The following STPG2 variants were observed in gnomAD, a reference collection of about 807,000 sequenced individuals.
STPG2 encodes the protein sperm tail PG-rich repeat containing 2.
STPG2 carries 56 observed loss-of-function variants against 54.2 expected under a neutral mutation model. The observed-to-expected ratio is 1.03, with a 90% CI of 0.83 to 1.29. The LOEUF (loss-of-function observed/expected upper bound fraction) is 1.29. STPG2 is among the 50% of genes most tolerant of loss of function. STPG2 has a pLI of 0.00. For synonymous variants in STPG2, 200 were observed against 181.8 expected (o/e 1.10, Z -0.81); for missense variants, 596 against 544.9 (o/e 1.09, Z -0.93).
chr4:97,635,450 A>G (rs1384960800), intron 10 of STPG2, among the ~76,000 whole-genome samples: 3 of 152,170 alleles, frequency 2.0e-5, no homozygotes, highest in Admixed American at 1.3e-4. Flanking sequence ...CAAAATAACC[A>G]GCTAACATCA....
Position 97,650,041 on chromosome 4 carries a change from A to G in STPG2, c.1320+62658T>C, listed in dbSNP as rs140713953. 1.1e-4 allele frequency among the ~76,000 whole-genome samples: 17 copies of G among 152,230 alleles called. No individual in the cohort carries two copies. The East Asian group carries it at 2.7e-3, about 24-fold the overall frequency. On this transcript the variant is annotated intron_variant, in intron 10 of 10. Coordinates refer to ENST00000295268, the MANE Select transcript of STPG2 (RefSeq NM_174952.3). Reference sequence around the variant, plus strand: ...CATTAGGCATTAGATTCTCATAAGGAGCACGCAACCCAGATCCCTCACATG... The same window carrying G: ...CATTAGGCATTAGATTCTCATAAGGGGCACGCAACCCAGATCCCTCACATG...
intron 10 of STPG2, among the ~76,000 whole-genome samples, chr4:97,681,510 T>G (rs1315770980): frequency 6.6e-6 from 1 of 151,872 alleles, no homozygotes; most frequent in Admixed American, 6.6e-5. Flanking sequence ...ATTCGTTAAT[T>G]GGCACTCTAC....
At chr4:97,993,136 G>A (rs1383160903) in intron 5 of STPG2, among the ~76,000 whole-genome samples, 2 of 152,186 alleles carry the variant, frequency 1.3e-5, no homozygotes, top group Non-Finnish European at 2.9e-5. Flanking sequence ...TAGAAGTGAT[G>A]AAAGTGGGCA....
intron 10 of STPG2, among the ~76,000 whole-genome samples, chr4:97,643,830 G>A (rs1228669151): frequency 6.6e-6 from 1 of 151,480 alleles, no homozygotes; most frequent in Admixed American, 6.6e-5. Context: ...AGAGAATTTT[G>A]GTAAAATTCA....
intron 10 of STPG2, among the ~76,000 whole-genome samples, chr4:97,649,019 C>T (rs1721990919): frequency 6.6e-6 from 1 of 152,044 alleles, no homozygotes; most frequent in Non-Finnish European, 1.5e-5. Flanking sequence ...GAACATGGTA[C>T]TTGACTTCTT....
intron 4 of STPG2, among the ~76,000 whole-genome samples, chr4:97,511,374 C>A (rs1436190146): frequency 6.6e-6 from 1 of 151,716 alleles, no homozygotes; most frequent in East Asian, 1.9e-4. Context: ...CAAGATAATT[C>A]ATAAGGATAC....
chr4:97,505,364 G>T (rs1039749561), intron 4 of STPG2, among the ~76,000 whole-genome samples: 1 of 151,860 alleles, frequency 6.6e-6, no homozygotes, highest in East Asian at 1.9e-4. Context: ...AAGAAACTTA[G>T]TTTATCTAAC....
intron 5 of STPG2, among the ~76,000 whole-genome samples, chr4:98,020,598 A>G (rs1736147116): frequency 1.3e-5 from 2 of 152,206 alleles, no homozygotes; most frequent in Admixed American, 6.5e-5. Context: ...GAATGGTACC[A>G]GCTCCTCCTT....
rs116357413 is a variant in STPG2 at position 97,810,708 on chromosome 4, C to T, written c.1204+30065G>A. On this transcript the variant is annotated intron_variant, in intron 9 of 10. Coordinates refer to ENST00000295268, the MANE Select transcript of STPG2 (RefSeq NM_174952.3). ...AAATAAAGTGTAATAGGAAAGCAAA[C>T]ATGCATCTCATAATGACAATATACT... 8.3e-3 allele frequency among the ~76,000 whole-genome samples: 1,260 copies of T among 152,176 alleles called. 15 individuals are homozygous for T. The highest frequency in any genetic ancestry group is 0.027 in the African/African-American group (1,133 of 41,512).
intron 9 of STPG2, among the ~76,000 whole-genome samples, chr4:97,775,620 G>A (rs912026299): frequency 1.3e-5 from 2 of 152,046 alleles, no homozygotes; most frequent in Admixed American, 1.3e-4. Flanking sequence ...TTGTTAGTTG[G>A]AGGACCAGCC....
At chr4:97,589,324 C>A (rs1257619591) in intron 10 of STPG2, among the ~76,000 whole-genome samples, 2 of 151,482 alleles carry the variant, frequency 1.3e-5, no homozygotes, top group Non-Finnish European at 2.9e-5. Flanking sequence ...TATGGGAAAG[C>A]CATTATATAG....
chr4:97,508,612 T>A (rs1730903845), intron 4 of STPG2, among the ~76,000 whole-genome samples: 1 of 151,896 alleles, frequency 6.6e-6, no homozygotes, highest in East Asian at 1.9e-4. Flanking sequence ...TCAGTATTAC[T>A]GTGTTATTCA....
At chr4:98,097,880 G>A (rs4699597) in intron 5 of STPG2, among the ~76,000 whole-genome samples, 60,158 of 151,812 alleles carry the variant, frequency 0.4, 12,151 homozygotes, top group Middle Eastern at 0.47. Flanking sequence ...AATAGCCACA[G>A]ATAAAATTGA....
In STPG2 at chr4:98,105,950, T is replaced by C; in HGVS notation, c.612+3A>G. 2 of 1,558,932 alleles carry C rather than the reference T, an allele frequency of 1.3e-6. No individual in the cohort carries two copies. Among genetic ancestry groups the C allele is most frequent in the Non-Finnish European group, 1.8e-6 (2 of 1,140,338 alleles). ...TATATGCATTAGCCACTTTTCAACT[T>C]ACCTTTTTTTTCTCCTGCAATACTA... On this transcript the variant is annotated splice_donor_region_variant and intron_variant, in intron 5 of 10. Coordinates refer to ENST00000295268, the MANE Select transcript of STPG2 (RefSeq NM_174952.3).
intron 5 of STPG2, among the ~76,000 whole-genome samples, chr4:98,091,963 A>T (rs1417464295): frequency 6.6e-6 from 1 of 152,022 alleles, no homozygotes; most frequent in African/African-American, 2.4e-5. Context: ...ACTAAACCAT[A>T]AATAAATACA....
At chr4:97,517,592 T>C (rs78617229) in intron 4 of STPG2, among the ~76,000 whole-genome samples, 2,629 of 133,636 alleles carry the variant, frequency 0.02, 68 homozygotes, top group African/African-American at 0.064. Flanking sequence ...CTTTGTATGT[T>C]CTTAGTGTCA....
chr4:98,130,300 C>G (rs1448414193), intron 2 of STPG2, among the ~76,000 whole-genome samples: 1 of 152,040 alleles, frequency 6.6e-6, no homozygotes, highest in African/African-American at 2.4e-5. Flanking sequence ...CTCAGCCTCC[C>G]AAGTAGCTGG....
chr4:97,596,829 T>G (rs1476791553), intron 10 of STPG2, among the ~76,000 whole-genome samples: 1 of 151,298 alleles, frequency 6.6e-6, no homozygotes, highest in African/African-American at 2.4e-5. Flanking sequence ...AATCTAAAAT[T>G]AACAACCTAA....
intron 4 of STPG2, among the ~76,000 whole-genome samples, chr4:97,540,940 C>T (rs532638529): frequency 2.6e-5 from 4 of 152,058 alleles, no homozygotes; most frequent in Non-Finnish European, 2.9e-5. Context: ...TAAAAACTCT[C>T]AATAAATTAG....
Sources: allele counts gnomAD v4.1 joint callset (sites outside exome capture counted in the v4.1 genomes callset), GRCh38; gene constraint gnomAD v4.1.1; transcripts MANE v1.5; gene names NCBI Gene and HGNC (gene_info 2026-07-23, HGNC 2026-07-21).